ARHGEF9: variants seen among roughly 807,000 people sequenced by gnomAD.
ARHGEF9 encodes Cdc42 guanine nucleotide exchange factor 9.
Under a neutral mutation model 41.3 loss-of-function variants are expected in ARHGEF9, and 2 were observed. The ratio of observed to expected loss-of-function variants is 0.05; its 90% CI spans 0.02 to 0.15. The LOEUF is 0.15. ARHGEF9 is among the 10% of genes least tolerant of loss of function. ARHGEF9 has a pLI of 1.00. For synonymous variants in ARHGEF9, 160 were observed against 154.4 expected, an observed-to-expected ratio of 1.04 and a Z score of -0.27; for missense variants, 225 against 424.7, an observed-to-expected ratio of 0.53 and a Z score of 4.13.
Position 63,635,396 on chromosome X carries a change from G to A in ARHGEF9, c.*2632C>T. The A allele has an allele frequency of 1.9e-6, 1 of 521,777 alleles. No individual in the cohort carries two copies. The highest frequency in any genetic ancestry group is 3.5e-6 in the Non-Finnish European group (1 of 285,764). The allele number at this position is 521,777 out of a possible 1,213,427, so 43.0% of individuals were successfully genotyped here. The stretch of plus-strand genomic sequence containing the variant: ...GAGCAAATCCTGGCCTCACTGAGTT[G>A]AGGAAAAGGGAGCTCAGGGCCATGC... On this transcript the variant is annotated 3_prime_UTR_variant, in exon 10 of 10. Transcript: ENST00000671741.
chrX:63,754,871 G>A (rs1273093748), intron 1 of ARHGEF9: 3 of 936,886 alleles, frequency 3.2e-6, no homozygotes, highest in Non-Finnish European at 4.0e-6. Context: ...TCTCTCGGGC[G>A]CCACGGGAAA....
At chrX:63,641,821 AC>A (rs782757845) in intron 9 of ARHGEF9, 215 of 111,547 alleles carry the variant, frequency 1.9e-3, no homozygotes, top group African/African-American at 6.9e-3. Flanking sequence ...GGAGAGGCAG[AC>A]CCATGCTCAA....
chrX:63,739,802 A>G (rs1201484451), intron 1 of ARHGEF9, among the ~76,000 whole-genome samples: 5 of 112,424 alleles, frequency 4.4e-5, no homozygotes, highest in African/African-American at 1.3e-4. Context: ...CATGTTCAAC[A>G]TTTTACAAGA....
At chrX:63,740,446 C>T (rs1178983884) in intron 1 of ARHGEF9, among the ~76,000 whole-genome samples, 1 of 112,028 alleles carries the variant, frequency 8.9e-6, no homozygotes, top group Non-Finnish European at 1.9e-5. Context: ...AAAAGTGTAT[C>T]TTCAAAACAT....
intron 1 of ARHGEF9, among the ~76,000 whole-genome samples, chrX:63,770,173 T>C (rs148736748): frequency 0.043 from 4,843 of 112,479 alleles, 180 homozygotes; most frequent in African/African-American, 0.12. Context: ...CTTCCATCAA[T>C]GTAACCTGAA....
chrX:63,648,598 C>T (rs1335191278), intron 8 of ARHGEF9, among the ~76,000 whole-genome samples: 1 of 111,371 alleles, frequency 9.0e-6, no homozygotes, highest in Non-Finnish European at 1.9e-5. Flanking sequence ...TCACACATAA[C>T]AATACTAACC....
intron 7 of ARHGEF9, among the ~76,000 whole-genome samples, chrX:63,663,607 T>C (rs1556344140): frequency 9.0e-6 from 1 of 111,089 alleles, no homozygotes; most frequent in African/African-American, 3.3e-5. Context: ...TTCCCTTCCT[T>C]TCCTCCATGG....
intron 2 of ARHGEF9, among the ~76,000 whole-genome samples, chrX:63,721,898 C>G (rs1157557148): frequency 8.9e-6 from 1 of 111,753 alleles, no homozygotes; most frequent in Non-Finnish European, 1.9e-5. Context: ...CACACATATA[C>G]ACACACATAA....
intron 1 of ARHGEF9, among the ~76,000 whole-genome samples, chrX:63,753,066 G>A (rs2055750276): frequency 8.9e-6 from 1 of 112,510 alleles, no homozygotes; most frequent in African/African-American, 3.2e-5. Context: ...ATACAGACTG[G>A]CATGAGACAT....
At chrX:63,645,034 CA>C (rs2047916836) in intron 8 of ARHGEF9, among the ~76,000 whole-genome samples, 1 of 109,842 alleles carries the variant, frequency 9.1e-6, no homozygotes, top group Non-Finnish European at 1.9e-5. Context: ...CTCAGCCTCC[CA>C]AAATGCTAGG....
At chrX:63,695,674 T>C (rs1307251298) in intron 4 of ARHGEF9, among the ~76,000 whole-genome samples, 3 of 112,166 alleles carry the variant, frequency 2.7e-5, no homozygotes, top group African/African-American at 9.7e-5. Flanking sequence ...TCCCCTTGAC[T>C]GGCATCTTGA....
chrX:63,740,514 T>C (rs782215137), intron 1 of ARHGEF9, among the ~76,000 whole-genome samples: 12 of 112,438 alleles, frequency 1.1e-4, no homozygotes, highest in Non-Finnish European at 2.3e-4. Flanking sequence ...TACTGGATGT[T>C]TTATAAATAA....
chrX:63,765,439 A>G (rs1330989079), intron 1 of ARHGEF9, among the ~76,000 whole-genome samples: 1 of 111,101 alleles, frequency 9.0e-6, no homozygotes, highest in Non-Finnish European at 1.9e-5. Flanking sequence ...CCAACTCTCT[A>G]GATCTTAGCA....
At chrX:63,773,010 G>T (rs1261891212) in intron 1 of ARHGEF9, among the ~76,000 whole-genome samples, 3 of 111,182 alleles carry the variant, frequency 2.7e-5, no homozygotes, top group Non-Finnish European at 5.7e-5. Context: ...CACTTCTCTG[G>T]TGTGCTAGGA....
intron 1 of ARHGEF9, chrX:63,743,290 T>C (rs1208033569): frequency 2.7e-5 from 3 of 112,662 alleles, no homozygotes; most frequent in Admixed American, 1.9e-4. Flanking sequence ...AGACACTTGG[T>C]ACTGGTGAGT....
Position 63,705,719 on chromosome X carries a change from A to C in ARHGEF9, c.402+539T>G, listed in dbSNP as rs1292028315. 2.7e-5 allele frequency among the ~76,000 whole-genome samples: 3 copies of C among 111,607 alleles called. No individual in the cohort carries two copies. The Admixed American group carries it at 2.9e-4, about 11-fold the overall frequency. On this transcript the variant is annotated intron_variant, in intron 3 of 9. Transcript: ENST00000671741. The stretch of plus-strand genomic sequence containing the variant: ...GTTCTCCAAGTGAGAGAGTAGGACC[A>C]GCAGCATCAGAATCACCAGGGATGC...
intron 1 of ARHGEF9, chrX:63,737,002 C>T (rs782296173): frequency 1.8e-5 from 2 of 111,096 alleles, no homozygotes; most frequent in South Asian, 3.8e-4. Flanking sequence ...TGGAGGTTAC[C>T]GCTTTCAACA....
At chrX:63,683,163 A>C (rs2050764288) in intron 4 of ARHGEF9, among the ~76,000 whole-genome samples, 2 of 111,622 alleles carry the variant, frequency 1.8e-5, no homozygotes, top group Non-Finnish European at 3.8e-5. Flanking sequence ...ATACAAAAAA[A>C]AAATCAGTGT....
At chrX:63,773,577 T>C (rs781823458) in intron 1 of ARHGEF9, among the ~76,000 whole-genome samples, 25 of 112,339 alleles carry the variant, frequency 2.2e-4, no homozygotes, top group African/African-American at 7.7e-4. Context: ...GCAAGGGCTA[T>C]GTGATAGTTA....
Sources: allele counts gnomAD v4.1 joint callset (sites outside exome capture counted in the v4.1 genomes callset), GRCh38; gene constraint gnomAD v4.1.1; transcripts MANE v1.5; gene names NCBI Gene and HGNC (gene_info 2026-07-23, HGNC 2026-07-21).